The following ZNF683 variants were observed in gnomAD, a reference collection of about 807,000 sequenced individuals.
The protein encoded by ZNF683 is zinc finger protein 683, also known as tissue-resident T-cell transcription regulator protein ZNF683.
ZNF683 carries 20 observed loss-of-function variants against 31.4 expected under a neutral mutation model. The ratio of observed to expected loss-of-function variants is 0.64; its 90% CI spans 0.45 to 0.93. The LOEUF (loss-of-function observed/expected upper bound fraction) is 0.93. Ranked by LOEUF, ZNF683 falls within the 40% of genes least tolerant of loss-of-function variation. ZNF683 has a pLI of 0.00. For missense variants in ZNF683, 621 were observed against 637.2 expected, an observed-to-expected ratio of 0.97 and a Z score of 0.27; for synonymous variants, 264 against 267.6, an observed-to-expected ratio of 0.99 and a Z score of 0.13.
chr1:26,361,926 G>A lies in ZNF683; in HGVS notation c.1240C>T (p.Arg414Cys), dbSNP rs756953566. The A allele has an allele frequency of 1.7e-5, 28 of 1,613,862 alleles. No homozygotes were observed. Among genetic ancestry groups the A allele is most frequent in the African/African-American group, 1.6e-4 (12 of 74,936 alleles). ...TTCAGGTGGATGTGCTGGGTGAAGCGACTCCGGCAGACACTGCACTGGAAG... is the reference window on the plus strand; with the variant it reads ...TTCAGGTGGATGTGCTGGGTGAAGCAACTCCGGCAGACACTGCACTGGAAG... ...RPFQCSVCRSRFTQHIHLKLH... is the reference protein window; with the variant it reads ...RPFQCSVCRSCFTQHIHLKLH... Residue 414 changes from arginine (R) to cysteine (C), a missense_variant, in exon 6 of 6, where the codon CGC (arginine) becomes TGC (cysteine). By Grantham distance (180) the Arg-to-Cys change is radical. Coordinates refer to ENST00000349618, the MANE Select transcript of ZNF683 (RefSeq NM_001114759.3).
At chr1:26,366,342 C>CAAAAAAAAAAAAAAAAAAAAAAA (rs1173737722) in intron 3 of ZNF683, among the ~76,000 whole-genome samples, 4 of 69,000 alleles carry the variant, frequency 5.8e-5, no homozygotes, top group African/African-American at 1.4e-4. Flanking sequence ...CAGCCTATCT[C>CAAAAAAAAAAAAAAAAAAAAAAA]AAAAAAAAAA....
intron 3 of ZNF683, 91 bp downstream of exon 3, chr1:26,367,502 G>A (rs775289506): frequency 1.3e-4 from 167 of 1,308,774 alleles, no homozygotes; most frequent in Non-Finnish European, 1.5e-4. Flanking sequence ...GTGACACTGC[G>A]TCCTCTCCAC....
intron 1 of ZNF683, chr1:26,370,818 C>T: frequency 3.8e-6 from 3 of 795,556 alleles, no homozygotes; most frequent in Non-Finnish European, 4.6e-6. Context: ...TGGGGGCAGG[C>T]AGGCTTGGGG....
chr1:26,366,949 C>G (rs1557738875), intron 3 of ZNF683, among the ~76,000 whole-genome samples: 1 of 152,196 alleles, frequency 6.6e-6, no homozygotes, highest in Admixed American at 6.5e-5. Flanking sequence ...AGCCACCGTG[C>G]CCGGCCTCCA....
At chr1:26,363,730 C>A (rs536870625) in intron 4 of ZNF683, among the ~76,000 whole-genome samples, 1,107 of 100,042 alleles carry the variant, frequency 0.011, 15 homozygotes, top group African/African-American at 0.041. Context: ...GAATGAGACT[C>A]CATATGGAAA....
intron 1 of ZNF683, among the ~76,000 whole-genome samples, chr1:26,371,085 G>A (rs1227522784): frequency 2.6e-5 from 4 of 152,186 alleles, no homozygotes; most frequent in African/African-American, 9.7e-5. Flanking sequence ...GATAGGCATT[G>A]ATGATGACAG....
Position 26,368,483 on chromosome 1 carries a change from T to G in ZNF683, c.89A>C (p.Asp30Ala), listed in dbSNP as rs768560875. 8.0e-5 allele frequency: 128 copies of G among 1,598,340 alleles called. No individual in the cohort carries two copies. The highest frequency in any genetic ancestry group is 2.1e-4 in the Admixed American group (12 of 57,258). The part of the protein sequence containing the change: ...GTGGSLSPSL[D>A]FQLFRGDQVF... ...CTGGTCACCTCGGAAGAGCTGGAAG[T>G]CCAGGCTGGGGGACAGGGAGCCCCC... The change falls in exon 2 of 6, where the codon GAC becomes GCC. Residue 30 changes from aspartate to alanine, a missense_variant. By Grantham distance (126) the Asp-to-Ala change is moderately radical (BLOSUM62 -2). Transcript: ENST00000349618.
chr1:26,366,523 C>T (rs2074527601), intron 3 of ZNF683, among the ~76,000 whole-genome samples: 1 of 152,054 alleles, frequency 6.6e-6, no homozygotes, highest in Admixed American at 6.6e-5. Flanking sequence ...TGGTGTGTTA[C>T]AACAAACCTA....
intron 1 of ZNF683, among the ~76,000 whole-genome samples, chr1:26,371,835 G>A (rs572825507): frequency 5.3e-5 from 8 of 151,826 alleles, no homozygotes; most frequent in African/African-American, 1.7e-4. Context: ...AGGAGGCTGA[G>A]GTGGGAGGAT....
chr1:26,361,735 G>A lies in ZNF683; in HGVS notation c.1431C>T (p.Ser477=). The change falls in exon 6 of 6, where the codon TCC becomes TCT. Residue 477 remains serine, a synonymous_variant. Transcript: ENST00000349618. ...MGYDIDEVKV[S]STSQGKARAV... The stretch of plus-strand genomic sequence containing the variant: ...CTCTTGCTTTCCCCTGGGATGTCGA[G>A]GACACTTTGACCTCATCTATGTCAT... 3 of 1,614,062 alleles carry A rather than the reference G, an allele frequency of 1.9e-6. No homozygotes were observed. The highest frequency in any genetic ancestry group is 2.5e-6 in the Non-Finnish European group (3 of 1,179,902).
At chr1:26,362,306 A>C in intron 5 of ZNF683, 1 of 883,908 alleles carries the variant, frequency 1.1e-6, no homozygotes, top group Non-Finnish European at 1.8e-6. Context: ...CTAGCTTCAT[A>C]GATATGGTGG....
chr1:26,368,422 A>G, intron 2 of ZNF683, 36 bp downstream of exon 2: 1 of 1,515,474 alleles, frequency 6.6e-7, no homozygotes, highest in Non-Finnish European at 8.8e-7. Context: ...CTATAAGCAG[A>G]CTACCCACAA....
chr1:26,365,411 G>A (rs921586619), intron 3 of ZNF683, among the ~76,000 whole-genome samples, 185 bp from the exon 4 acceptor site: 5 of 152,206 alleles, frequency 3.3e-5, no homozygotes, highest in Non-Finnish European at 7.3e-5. Flanking sequence ...CCCAGGTTGA[G>A]AAGCCAAGTG....
chr1:26,362,128 C>T (rs2074401641), intron 5 of ZNF683, 106 bp from the exon 6 acceptor site: 1 of 1,613,400 alleles, frequency 6.2e-7, no homozygotes, highest in African/African-American at 1.3e-5. Context: ...CTCTTTCCCT[C>T]CAGGCCTGGA....
chr1:26,364,754 G>T lies in ZNF683; in HGVS notation c.792C>A (p.Gly264=), dbSNP rs752221850. 1.9e-6 allele frequency: 3 copies of T among 1,613,362 alleles called. No homozygotes were observed. The Admixed American group carries it at 5.0e-5, about 27-fold the overall frequency. Residue 264 remains glycine, a synonymous_variant, in exon 4 of 6, where the codon GGC becomes GGA. Coordinates refer to ENST00000349618, the MANE Select transcript of ZNF683 (RefSeq NM_001114759.3). ...LPYPGAFQAS[G]QALPSQARNP... ...TTCGGGCCTGGGAAGGCAGAGCTTG[G>T]CCAGAGGCTTGGAAGGCCCCTGGGT...
At chr1:26,373,115 G>A (rs747250018), upstream of ZNF683, 199 of 160,130 alleles carry the variant, frequency 1.2e-3, no homozygotes, top group Non-Finnish European at 2.2e-3. Flanking sequence ...CTGGCTGAGC[G>A]CAGTGGCTCA....
Position 26,367,809 on chromosome 1 carries a change from G to A in ZNF683, c.115-12C>T, listed in dbSNP as rs369411357. ...CAGGCTGAGAAGACCTGGAGGGCAG[G>A]GGCAAGGGGCTTGGGGGCTGGTGAC... On this transcript the variant is annotated splice_polypyrimidine_tract_variant and intron_variant, in intron 2 of 5. Coordinates refer to ENST00000349618, the MANE Select transcript of ZNF683 (RefSeq NM_001114759.3). 1.2e-4 allele frequency: 183 copies of A among 1,558,094 alleles called. No individual in the cohort carries two copies. Among genetic ancestry groups the A allele is most frequent in the Admixed American group, 5.4e-4 (29 of 54,022 alleles).
rs1212088877 is a variant in ZNF683 at position 26,367,631 on chromosome 1, G to T, written c.281C>A (p.Thr94Lys). 1 of 1,611,608 alleles carries T rather than the reference G, an allele frequency of 6.2e-7. No individual in the cohort carries two copies. Among genetic ancestry groups the T allele is most frequent in the Admixed American group, 1.7e-5 (1 of 59,874 alleles). The part of the protein sequence containing the change: ...LCTPQPAPLG[T>K]DLQGLQEDAL... ...GTCCTCTTGGAGGCCCTGCAGGTCTGTGCCCAGGGGTGCCGGCTGTGGGGT... is the reference window on the plus strand; with the variant it reads ...GTCCTCTTGGAGGCCCTGCAGGTCTTTGCCCAGGGGTGCCGGCTGTGGGGT... The change falls in exon 3 of 6, where the codon ACA (threonine) becomes AAA (lysine). Residue 94 changes from threonine (T) to lysine (K), a missense_variant. Transcript: ENST00000349618.
At chr1:26,374,191 G>A (rs562190553), upstream of ZNF683, 54 of 1,269,956 alleles carry the variant, frequency 4.3e-5, 1 homozygote, top group South Asian at 1.8e-4. Context: ...CCACAAGCCC[G>A]CCTCCCCTGC....
Sources: allele counts gnomAD v4.1 joint callset (sites outside exome capture counted in the v4.1 genomes callset), GRCh38; gene constraint gnomAD v4.1.1; transcripts MANE v1.5; gene names NCBI Gene and HGNC (gene_info 2026-07-23, HGNC 2026-07-21).